FARP1: variants seen among roughly 807,000 people sequenced by gnomAD.
FARP1 encodes the protein FERM, ARHGEF and pleckstrin domain-containing protein 1.
In FARP1, 52 loss-of-function variants were observed where a neutral mutation model predicts 128.8. That is an observed-to-expected ratio of 0.40 (90% CI 0.32 to 0.51). The LOEUF (loss-of-function observed/expected upper bound fraction) is 0.51, where lower values mean the gene tolerates loss of function less well. FARP1 is among the 20% of genes least tolerant of loss of function. FARP1 has a pLI of 0.45. For missense variants in FARP1, 1,333 were observed against 1,367.9 expected (o/e 0.97, Z 0.40); for synonymous variants, 580 against 551.8 (o/e 1.05, Z -0.72).
chr13:98,183,631 G>A (rs192497889), intron 1 of FARP1, among the ~76,000 whole-genome samples: 69 of 152,218 alleles, frequency 4.5e-4, no homozygotes, highest in African/African-American at 1.2e-3. Context: ...TTTTACAAAC[G>A]CACCTTATTA....
intron 1 of FARP1, among the ~76,000 whole-genome samples, chr13:98,192,177 T>C (rs1416842299): frequency 2.0e-5 from 3 of 152,190 alleles, no homozygotes; most frequent in Non-Finnish European, 2.9e-5. Context: ...TGTAGACTGT[T>C]CTAGGCAGCA....
At chr13:98,419,201 C>T (rs1358515978) in intron 16 of FARP1, among the ~76,000 whole-genome samples, 1 of 152,146 alleles carries the variant, frequency 6.6e-6, no homozygotes, top group Non-Finnish European at 1.5e-5. Flanking sequence ...AGGTCAGGCA[C>T]AGTGGCTCAC....
At chr13:98,373,017 G>A (rs549846812) in intron 5 of FARP1, among the ~76,000 whole-genome samples, 27 of 152,324 alleles carry the variant, frequency 1.8e-4, no homozygotes, top group African/African-American at 6.5e-4. Context: ...GGTAAGAAAA[G>A]TGGACAGAGT....
At chr13:98,200,850 A>G (rs1235500426) in intron 1 of FARP1, among the ~76,000 whole-genome samples, 1 of 152,076 alleles carries the variant, frequency 6.6e-6, no homozygotes, top group African/African-American at 2.4e-5. Flanking sequence ...TGGCTAGAGA[A>G]GTGTTTTTTT....
intron 2 of FARP1, among the ~76,000 whole-genome samples, chr13:98,230,406 C>G (rs1408956911): frequency 6.6e-6 from 1 of 152,190 alleles, no homozygotes; most frequent in Non-Finnish European, 1.5e-5. Context: ...AAGCTTCCAT[C>G]AGTCAACCAA....
intron 5 of FARP1, among the ~76,000 whole-genome samples, chr13:98,373,185 C>T (rs1208225594): frequency 1.3e-5 from 2 of 152,120 alleles, no homozygotes; most frequent in African/African-American, 4.8e-5. Context: ...TCTCGCAGCC[C>T]ATGTGTGATT....
intron 1 of FARP1, among the ~76,000 whole-genome samples, chr13:98,153,317 A>G (rs1395323082): frequency 1.8e-4 from 2 of 10,946 alleles, no homozygotes; most frequent in Non-Finnish European, 6.8e-4. Flanking sequence ...TATATAAAAT[A>G]TATAAATAAT....
intron 2 of FARP1, among the ~76,000 whole-genome samples, chr13:98,243,224 G>T (rs1184050020): frequency 6.6e-6 from 1 of 152,108 alleles, no homozygotes. Context: ...TAAGATTTGG[G>T]CTTTGGTTTT....
At chr13:98,334,296 G>A (rs1458493249) in intron 2 of FARP1, 2 of 152,208 alleles carry the variant, frequency 1.3e-5, no homozygotes, top group Non-Finnish European at 2.9e-5. Flanking sequence ...CAGGGCTCAA[G>A]TGTCCAGCTT....
intron 2 of FARP1, chr13:98,328,497 T>C (rs941276109): frequency 2.0e-5 from 3 of 152,282 alleles, no homozygotes; most frequent in African/African-American, 7.2e-5. Flanking sequence ...TGAGGTGCGA[T>C]GGCGAAAGTA....
At position 98,149,799 on chromosome 13, in the gene FARP1, G is replaced by A. The variant is rs541261009; in HGVS notation, c.-24+6307G>A. ...GTTGCCCAGGCTGGAGTGCAGTGGCGCAATCTTGGCTCACTGCAAGCTGTG... is the reference window on the plus strand; with the variant it reads ...GTTGCCCAGGCTGGAGTGCAGTGGCACAATCTTGGCTCACTGCAAGCTGTG... On this transcript the variant is annotated intron_variant, in intron 1 of 26. Coordinates refer to ENST00000319562, the MANE Select transcript of FARP1 (RefSeq NM_005766.4). Among the ~76,000 whole-genome samples, 304 of 131,854 alleles carry A rather than the reference G, an allele frequency of 2.3e-3. 2 individuals carry two copies. The highest frequency in any genetic ancestry group is 8.1e-3 in the African/African-American group (282 of 34,928). 86.5% of individuals were successfully genotyped at this position (131,854 alleles called of 152,430 possible). A position where few individuals can be genotyped will look rare whatever the true frequency, so the allele number is the denominator to read the frequency against.
At position 98,377,887 on chromosome 13, in the gene FARP1, C is replaced by G. The variant is rs761516475; in HGVS notation, c.465C>G (p.Ser155Arg). ...AQGRLTCNDT[S>R]AALLISHIVQ... Reference sequence around the variant, plus strand: ...GCAGGTTGACGTGTAATGACACCAGCGCAGCTCTCTTGATTTCACACATTG... The same window carrying G: ...GCAGGTTGACGTGTAATGACACCAGGGCAGCTCTCTTGATTTCACACATTG... The change falls in exon 6 of 27, where the codon AGC becomes AGG. Residue 155 changes from serine to arginine, a missense_variant. Ser to Arg is a moderately radical substitution (Grantham distance 110). Around this residue, in one of 2 missense-constraint regions of FARP1, gnomAD observed 324 missense variants for 398.1 expected, o/e 0.81. Coordinates refer to ENST00000319562, the MANE Select transcript of FARP1 (RefSeq NM_005766.4). 1.9e-6 allele frequency: 3 copies of G among 1,613,514 alleles called. No homozygotes were observed. Among genetic ancestry groups the G allele is most frequent in the Admixed American group, 1.7e-5 (1 of 60,002 alleles).
intron 6 of FARP1, among the ~76,000 whole-genome samples, chr13:98,380,828 C>T (rs1889865654): frequency 6.6e-6 from 1 of 152,136 alleles, no homozygotes; most frequent in South Asian, 2.1e-4. Flanking sequence ...ATCTTCCCAC[C>T]TTGGCCTCAC....
chr13:98,228,433 T>TA (rs59873385), intron 2 of FARP1, among the ~76,000 whole-genome samples: 2,837 of 146,616 alleles, frequency 0.019, 42 homozygotes, highest in Non-Finnish European at 0.028. Flanking sequence ...AAATCACAAT[T>TA]AAAAAAAAAA....
intron 1 of FARP1, among the ~76,000 whole-genome samples, chr13:98,152,232 T>C (rs1283543547): frequency 6.6e-6 from 1 of 152,184 alleles, no homozygotes; most frequent in African/African-American, 2.4e-5. Context: ...CATGGTTAAT[T>C]AGACTGCTGC....
At chr13:98,160,970 G>T (rs755092705) in intron 1 of FARP1, among the ~76,000 whole-genome samples, 1 of 151,992 alleles carries the variant, frequency 6.6e-6, no homozygotes, top group Non-Finnish European at 1.5e-5. Context: ...GAGCCACCGC[G>T]CCTGGCTTAT....
At chr13:98,178,188 AATTT>A (rs1300399567) in intron 1 of FARP1, among the ~76,000 whole-genome samples, 3 of 116,752 alleles carry the variant, frequency 2.6e-5, no homozygotes, top group East Asian at 5.5e-4. Context: ...AATCATTTTT[AATTT>A]TTTTTTTTTT....
chr13:98,195,373 C>T (rs916707312), intron 1 of FARP1, among the ~76,000 whole-genome samples: 6 of 152,198 alleles, frequency 3.9e-5, no homozygotes, highest in African/African-American at 7.2e-5. Flanking sequence ...TGTATTCCCC[C>T]GGGCTGTTTG....
chr13:98,275,513 T>C (rs1566822404), intron 2 of FARP1, among the ~76,000 whole-genome samples: 1 of 151,940 alleles, frequency 6.6e-6, no homozygotes, highest in Non-Finnish European at 1.5e-5. Flanking sequence ...TAATTGTGTT[T>C]TCCTAAAGGC....
Sources: allele counts gnomAD v4.1 joint callset (sites outside exome capture counted in the v4.1 genomes callset), GRCh38; gene constraint gnomAD v4.1.1; regional missense constraint gnomAD v4.1.1; transcripts MANE v1.5; gene names NCBI Gene and HGNC (gene_info 2026-07-23, HGNC 2026-07-21).